Variants in CSMD1 observed in about 807,000 individuals in gnomAD.
CSMD1 encodes the protein CUB and Sushi multiple domains 1.
In CSMD1, 213 loss-of-function variants were observed where a neutral mutation model predicts 417.5. The ratio of observed to expected loss-of-function variants is 0.51; its 90% CI spans 0.46 to 0.57. The LOEUF (loss-of-function observed/expected upper bound fraction) is 0.57, where lower values mean the gene tolerates loss of function less well. Ranked by LOEUF, CSMD1 falls within the 20% of genes least tolerant of loss-of-function variation. The probability of loss-of-function intolerance (pLI) is 0.00; values close to 1 mark genes in which losing one functional copy is unlikely to be tolerated. For synonymous variants in CSMD1, 2,862 were observed against 1,736.8 expected (o/e 1.65, Z -16.11); for missense variants, 6,923 against 4,529.7 (o/e 1.53, Z -15.17).
chr8:3,558,977 G>C (rs1799348336), intron 10 of CSMD1, among the ~76,000 whole-genome samples: 2 of 152,190 alleles, frequency 1.3e-5, no homozygotes, highest in African/African-American at 4.8e-5. Context: ...GGAATGAAAA[G>C]ATAAATGACT....
Position 4,883,425 on chromosome 8 carries a change from C to T in CSMD1, c.85+110907G>A, listed in dbSNP as rs182376351. ...TGAAATGCAAGATCATCACCACTCT[C>T]TCATTTTGAACATTTTTATCATCCC... is the stretch of plus-strand genomic sequence containing the variant. On this transcript the variant is annotated intron_variant, in intron 1 of 69. Coordinates refer to ENST00000635120, the MANE Select transcript of CSMD1 (RefSeq NM_033225.6). 7.8e-4 allele frequency among the ~76,000 whole-genome samples: 119 copies of T among 152,154 alleles called. 4 individuals are homozygous for T. The highest frequency in any genetic ancestry group is 2.7e-3 in the African/African-American group (112 of 41,466).
At chr8:4,954,094 T>G (rs769477843) in intron 1 of CSMD1, among the ~76,000 whole-genome samples, 2 of 152,224 alleles carry the variant, frequency 1.3e-5, no homozygotes, top group Non-Finnish European at 2.9e-5. Context: ...GTATCCTACC[T>G]GTGCCAATTT....
chr8:3,535,937 G>A (rs1798178468), intron 10 of CSMD1, among the ~76,000 whole-genome samples: 3 of 152,246 alleles, frequency 2.0e-5, no homozygotes, highest in South Asian at 4.1e-4. Context: ...AGCAGGAGAA[G>A]CCCCCACCAG....
chr8:3,418,901 T>C (rs1165153551), intron 12 of CSMD1, among the ~76,000 whole-genome samples: 1 of 152,232 alleles, frequency 6.6e-6, no homozygotes, highest in Non-Finnish European at 1.5e-5. Flanking sequence ...GCCAAGGTAG[T>C]AATGAGAAGC....
At chr8:4,869,141 G>A (rs1169387205) in intron 1 of CSMD1, among the ~76,000 whole-genome samples, 1 of 151,748 alleles carries the variant, frequency 6.6e-6, no homozygotes, top group Non-Finnish European at 1.5e-5. Flanking sequence ...TCAAATTTGT[G>A]ACACAAAATA....
intron 7 of CSMD1, among the ~76,000 whole-genome samples, chr8:3,680,791 A>T (rs571272619): frequency 1.3e-5 from 2 of 152,342 alleles, no homozygotes; most frequent in Admixed American, 1.3e-4. Context: ...AATTCTCAAT[A>T]AAATACTGGC....
chr8:3,165,009 T>G (rs1000496421), intron 37 of CSMD1, among the ~76,000 whole-genome samples: 3 of 151,702 alleles, frequency 2.0e-5, no homozygotes, highest in African/African-American at 4.8e-5. Context: ...TATAATTAAT[T>G]TATAATTAAT....
chr8:3,395,073 G>A (rs1275917958), intron 17 of CSMD1, among the ~76,000 whole-genome samples: 1 of 152,266 alleles, frequency 6.6e-6, no homozygotes, highest in Non-Finnish European at 1.5e-5. Flanking sequence ...GGTAACAAGA[G>A]TAATAGGAGG....
intron 37 of CSMD1, among the ~76,000 whole-genome samples, chr8:3,180,023 T>C (rs896158314): frequency 6.6e-6 from 1 of 152,232 alleles, no homozygotes; most frequent in Non-Finnish European, 1.5e-5. Context: ...GCAAACTGTT[T>C]ATCTCAATTC....
intron 3 of CSMD1, among the ~76,000 whole-genome samples, chr8:4,280,721 A>T (rs1169426962): frequency 6.6e-6 from 1 of 152,368 alleles, no homozygotes; most frequent in Non-Finnish European, 1.5e-5. Flanking sequence ...CGTGTAAGCC[A>T]TAAATATAAT....
rs561733541 is a variant in CSMD1 at position 3,975,886 on chromosome 8, A to G, written c.818+22017T>C. Among the ~76,000 whole-genome samples the G allele has an allele frequency of 2.6e-5, 4 of 152,282 alleles. No individual in the cohort carries two copies. In the South Asian group the frequency reaches 8.3e-4, roughly 32 times the overall value. On this transcript the variant is annotated intron_variant, in intron 5 of 69. Coordinates refer to ENST00000635120, the MANE Select transcript of CSMD1 (RefSeq NM_033225.6). The stretch of plus-strand genomic sequence containing the variant: ...ATTTTTCCACAAATATTATGTTTTC[A>G]TTAGTTGCAAATGAGTGAATGTATT...
At chr8:4,194,880 C>G (rs1201745904) in intron 3 of CSMD1, among the ~76,000 whole-genome samples, 1 of 151,974 alleles carries the variant, frequency 6.6e-6, no homozygotes, top group Non-Finnish European at 1.5e-5. Context: ...CATTGGTCAG[C>G]CACATAATTA....
intron 23 of CSMD1, among the ~76,000 whole-genome samples, chr8:3,319,002 AC>A (rs1209176173): frequency 6.6e-6 from 1 of 152,158 alleles, no homozygotes; most frequent in African/African-American, 2.4e-5. Flanking sequence ...ACACAACAAC[AC>A]AGATTCAGCC....
At chr8:3,526,515 C>G (rs919518692) in intron 10 of CSMD1, among the ~76,000 whole-genome samples, 1 of 152,184 alleles carries the variant, frequency 6.6e-6, no homozygotes, top group African/African-American at 2.4e-5. Flanking sequence ...ACATAAAACA[C>G]TCAAAAGCAA....
intron 3 of CSMD1, among the ~76,000 whole-genome samples, chr8:4,318,074 G>A (rs926107138): frequency 5.9e-5 from 9 of 152,100 alleles, no homozygotes; most frequent in African/African-American, 1.9e-4. Flanking sequence ...ACGTAAGTGT[G>A]ACATTTAGTT....
At chr8:3,562,533 C>G (rs1190544828) in intron 10 of CSMD1, among the ~76,000 whole-genome samples, 1 of 152,080 alleles carries the variant, frequency 6.6e-6, no homozygotes, top group Non-Finnish European at 1.5e-5. Context: ...TTTTAGCCTG[C>G]TTGGCAAAAT....
At chr8:3,759,759 T>G (rs1054807651) in intron 5 of CSMD1, among the ~76,000 whole-genome samples, 1 of 128,660 alleles carries the variant, frequency 7.8e-6, no homozygotes, top group African/African-American at 3.2e-5. Flanking sequence ...AAAAAAAAAA[T>G]TAGCCAGACA....
Position 3,998,001 on chromosome 8 carries a change from A to T in CSMD1, c.720T>A (p.Ala240=). The change falls in exon 5 of 70, where the codon GCT becomes GCA. Residue 240 remains alanine, a synonymous_variant. Coordinates refer to ENST00000635120, the MANE Select transcript of CSMD1 (RefSeq NM_033225.6). ...CCAGCGCAATGGTGTCCCCGGGCTC[A>T]GCCAGAATGGTCCAGGTGCAGTCCG... is the stretch of plus-strand genomic sequence containing the variant. ...NNADCTWTIL[A]EPGDTIALVF... 2 of 1,609,974 alleles carry T rather than the reference A, an allele frequency of 1.2e-6. No homozygotes were observed. Among genetic ancestry groups the T allele is most frequent in the Non-Finnish European group, 1.7e-6 (2 of 1,177,978 alleles).
At chr8:4,461,467 T>C (rs948869550) in intron 2 of CSMD1, among the ~76,000 whole-genome samples, 5 of 146,942 alleles carry the variant, frequency 3.4e-5, no homozygotes, top group Non-Finnish European at 7.4e-5. Context: ...TAGATATCCA[T>C]TAAAAACTAT....
Sources: gnomAD v4.1 joint callset for allele counts (sites outside exome capture counted in the v4.1 genomes callset) on GRCh38, gnomAD v4.1.1 for gene constraint, MANE v1.5 for transcripts, NCBI Gene and HGNC (gene_info 2026-07-23, HGNC 2026-07-21) for gene names.